The following DLG2 variants were observed in gnomAD, a reference collection of about 807,000 sequenced individuals.
The protein encoded by DLG2 is disks large homolog 2.
A neutral mutation model predicts 132.5 loss-of-function variants in DLG2; 45 were observed. That is an observed-to-expected ratio of 0.34 (90% CI 0.27 to 0.44). The LOEUF is 0.44. Among genes scored for constraint, DLG2 ranks in the 20% least tolerant of loss-of-function variants. DLG2 has a pLI of 1.00. For synonymous variants in DLG2, 424 were observed against 419.6 expected (o/e 1.01, Z -0.13); for missense variants, 1,045 against 1,196.9 (o/e 0.87, Z 1.87).
chr11:84,948,769 G>C (rs2050549130), intron 6 of DLG2, among the ~76,000 whole-genome samples: 1 of 152,164 alleles, frequency 6.6e-6, no homozygotes. Flanking sequence ...ATTGATTTGT[G>C]ATCCACCACA....
intron 11 of DLG2, among the ~76,000 whole-genome samples, chr11:84,033,422 T>C (rs145512064): frequency 6.6e-6 from 1 of 152,334 alleles, no homozygotes; most frequent in African/African-American, 2.4e-5. Flanking sequence ...CCTGAAGATA[T>C]GACTGAATTG....
intron 4 of DLG2, among the ~76,000 whole-genome samples, chr11:85,166,970 A>G (rs535258225): frequency 1.3e-5 from 2 of 152,296 alleles, no homozygotes; most frequent in African/African-American, 2.4e-5. Flanking sequence ...TGTAGAGTAA[A>G]TAAGTACTCA....
At chr11:84,141,431 T>C (rs997055180) in intron 9 of DLG2, among the ~76,000 whole-genome samples, 1 of 152,158 alleles carries the variant, frequency 6.6e-6, no homozygotes, top group Non-Finnish European at 1.5e-5. Flanking sequence ...TATATACATA[T>C]TTGTATATCT....
intron 7 of DLG2, among the ~76,000 whole-genome samples, chr11:84,321,671 C>T (rs1285009704): frequency 6.6e-6 from 1 of 152,166 alleles, no homozygotes; most frequent in Non-Finnish European, 1.5e-5. Context: ...CAAGAGGCAA[C>T]TCCCCCAAAG....
intron 6 of DLG2, among the ~76,000 whole-genome samples, chr11:84,571,785 T>C (rs1404397553): frequency 6.6e-6 from 1 of 152,132 alleles, no homozygotes; most frequent in Non-Finnish European, 1.5e-5. Flanking sequence ...TCAAACATGC[T>C]CATAACTTTA....
Position 85,163,263 on chromosome 11 carries a change from A to G in DLG2, c.187-8612T>C, listed in dbSNP as rs532170262. Among the ~76,000 whole-genome samples, 14 of 152,046 alleles carry G rather than the reference A, an allele frequency of 9.2e-5. No individual in the cohort carries two copies. The East Asian group carries it at 2.7e-3, about 29-fold the overall frequency. Reference sequence around the variant, plus strand: ...CACACACTATTAGTTCTGTCCCTCTAGAGAACCCTAATACACTATCTGATT... The same window carrying G: ...CACACACTATTAGTTCTGTCCCTCTGGAGAACCCTAATACACTATCTGATT... On this transcript the variant is annotated intron_variant, in intron 4 of 27. Coordinates refer to ENST00000376104, the MANE Select transcript of DLG2 (RefSeq NM_001142699.3).
intron 18 of DLG2, among the ~76,000 whole-genome samples, chr11:83,778,455 A>G (rs768729215): frequency 6.6e-6 from 1 of 152,206 alleles, no homozygotes; most frequent in Non-Finnish European, 1.5e-5. Flanking sequence ...CTCAAATAAT[A>G]TAAAATCACA....
intron 6 of DLG2, among the ~76,000 whole-genome samples, chr11:84,991,727 T>C (rs981074326): frequency 1.3e-5 from 2 of 152,146 alleles, no homozygotes; most frequent in African/African-American, 2.4e-5. Context: ...TTACATGATG[T>C]TACTATTGCG....
At position 84,534,591 on chromosome 11, in the gene DLG2, C is replaced by T. The variant is rs752169110; in HGVS notation, c.498G>A (p.Gln166=). The change falls in exon 7 of 28, where the codon CAG becomes CAA. Residue 166 remains glutamine (Q), a synonymous_variant. Transcript: ENST00000376104. ...QIENVHGYVL[Q]SHISPLKASP... The stretch of plus-strand genomic sequence containing the variant: ...TGACCTTCAGAGGAGAAATATGAGA[C>T]TGCAAGACATATCCATGGACATTTT... 2 of 1,613,986 alleles carry T rather than the reference C, an allele frequency of 1.2e-6. No homozygotes were observed. Among genetic ancestry groups the T allele is most frequent in the Non-Finnish European group, 1.7e-6 (2 of 1,179,942 alleles).
intron 4 of DLG2, among the ~76,000 whole-genome samples, chr11:85,224,560 T>TTC (rs2074859885): frequency 6.6e-6 from 1 of 152,138 alleles, no homozygotes; most frequent in Admixed American, 6.6e-5. Context: ...TTAGCAGAAA[T>TTC]GTTGCTGGAA....
Position 85,287,624 on chromosome 11 carries a change from G to T in DLG2, c.41-2259C>A, listed in dbSNP as rs1003552707. ...TTAACATTTGTTTATCCTATAAGTC[G>T]GTATTTCTACTACCCAGTACATATC... On this transcript the variant is annotated intron_variant, in intron 3 of 27. Coordinates refer to ENST00000376104, the MANE Select transcript of DLG2 (RefSeq NM_001142699.3). 6.6e-5 allele frequency among the ~76,000 whole-genome samples: 10 copies of T among 151,894 alleles called. No homozygotes were observed. The South Asian group carries it at 1.0e-3, about 16-fold the overall frequency.
rs927053804 is a variant in DLG2, at chr11:85,540,958, C to G, written c.40+57699G>C. The stretch of plus-strand genomic sequence containing the variant: ...TTGGAAAACAACTTTTGTTACCACC[C>G]TCTTTTCTTTAAAAGTTCACAATTC... On this transcript the variant is annotated intron_variant, in intron 3 of 27. Transcript: ENST00000376104. Among the ~76,000 whole-genome samples, 5 of 152,204 alleles carry G rather than the reference C, an allele frequency of 3.3e-5. No individual in the cohort carries two copies. The East Asian group carries it at 9.6e-4, about 29-fold the overall frequency.
intron 6 of DLG2, among the ~76,000 whole-genome samples, chr11:85,053,036 G>C (rs185262750): frequency 1.2e-4 from 18 of 152,140 alleles, no homozygotes; most frequent in African/African-American, 4.3e-4. Context: ...ATCTGCTCTA[G>C]TTTGGCTTTT....
intron 6 of DLG2, among the ~76,000 whole-genome samples, chr11:85,103,381 G>A (rs907335519): frequency 2.0e-5 from 3 of 151,948 alleles, no homozygotes; most frequent in South Asian, 2.1e-4. Context: ...AATCAAGACA[G>A]TGTGGCACTG....
intron 10 of DLG2, among the ~76,000 whole-genome samples, chr11:84,094,770 G>C (rs951339802): frequency 4.6e-5 from 7 of 152,070 alleles, no homozygotes; most frequent in Non-Finnish European, 8.8e-5. Flanking sequence ...CATTACATTG[G>C]GGATTAGCTT....
chr11:84,852,841 A>T (rs2082321493), intron 6 of DLG2, among the ~76,000 whole-genome samples: 1 of 151,630 alleles, frequency 6.6e-6, no homozygotes, highest in South Asian at 2.1e-4. Flanking sequence ...AAAATTAACA[A>T]CACTAGAGAA....
intron 6 of DLG2, among the ~76,000 whole-genome samples, chr11:84,547,503 T>C (rs367694464): frequency 2.0e-5 from 3 of 152,286 alleles, no homozygotes; most frequent in East Asian, 3.9e-4. Context: ...GTGCTAGAGA[T>C]GTAATAGTGA....
At chr11:85,077,061 G>T (rs1054525841) in intron 6 of DLG2, among the ~76,000 whole-genome samples, 3 of 151,722 alleles carry the variant, frequency 2.0e-5, no homozygotes, top group Non-Finnish European at 2.9e-5. Context: ...GGAAAGAGTT[G>T]CCAAAACCAT....
At chr11:84,984,318 CT>C (rs1416793449) in intron 6 of DLG2, among the ~76,000 whole-genome samples, 3 of 152,142 alleles carry the variant, frequency 2.0e-5, no homozygotes, top group Admixed American at 2.0e-4. Context: ...GGGATTGGGA[CT>C]CTATATTCAG....
Sources: gnomAD v4.1 joint callset for allele counts (sites outside exome capture counted in the v4.1 genomes callset) on GRCh38, gnomAD v4.1.1 for gene constraint, MANE v1.5 for transcripts, NCBI Gene and HGNC (gene_info 2026-07-23, HGNC 2026-07-21) for gene names.